Variants in FRMD4A observed in about 807,000 individuals in gnomAD.
FRMD4A encodes the protein FERM domain containing 4A.
FRMD4A carries 29 observed loss-of-function variants against 129.1 expected under a neutral mutation model. That is an observed-to-expected ratio of 0.22 (90% CI 0.17 to 0.31). The LOEUF is 0.31. Among genes scored for constraint, FRMD4A ranks in the 10% least tolerant of loss-of-function variants. FRMD4A has a pLI of 1.00. For synonymous variants in FRMD4A, 634 were observed against 571.6 expected (o/e 1.11, Z -1.56); for missense variants, 1,272 against 1,375.8 (o/e 0.92, Z 1.19).
chr10:13,850,040 G>A (rs1180361935), intron 3 of FRMD4A, among the ~76,000 whole-genome samples: 2 of 151,906 alleles, frequency 1.3e-5, no homozygotes, highest in African/African-American at 4.8e-5. Flanking sequence ...GTGGTGGCAG[G>A]TGCCTGTAAT....
At chr10:14,176,873 G>C (rs187375102) in intron 2 of FRMD4A, among the ~76,000 whole-genome samples, 1 of 152,030 alleles carries the variant, frequency 6.6e-6, no homozygotes, top group African/African-American at 2.4e-5. Flanking sequence ...AATCACTCTT[G>C]TTTACTCAAA....
chr10:14,039,044 A>C (rs531890230), intron 2 of FRMD4A, among the ~76,000 whole-genome samples: 16 of 152,136 alleles, frequency 1.1e-4, no homozygotes, highest in Non-Finnish European at 2.2e-4. Context: ...AACTTGAATA[A>C]ATTAATTAAC....
chr10:13,784,019 G>A (rs985088144), intron 5 of FRMD4A, among the ~76,000 whole-genome samples: 1 of 152,160 alleles, frequency 6.6e-6, no homozygotes, highest in East Asian at 1.9e-4. Context: ...AAGGAAGAGA[G>A]GGGAAAGGTT....
chr10:14,034,719 G>A (rs958301052), intron 2 of FRMD4A, among the ~76,000 whole-genome samples: 5 of 152,132 alleles, frequency 3.3e-5, no homozygotes, highest in East Asian at 1.9e-4. Context: ...AAAGAGAGAC[G>A]GATGTCCAGT....
chr10:13,971,799 T>A, intron 2 of FRMD4A: 1 of 1,304,404 alleles, frequency 7.7e-7, no homozygotes, highest in Non-Finnish European at 1.0e-6. Context: ...CCAGCAGCCA[T>A]GCCAGCCCCA....
chr10:13,679,482 C>T (rs866771428), intron 15 of FRMD4A, among the ~76,000 whole-genome samples: 2,831 of 95,378 alleles, frequency 0.03, 142 homozygotes, highest in African/African-American at 0.059. Context: ...TATACACACA[C>T]ACACACACAC....
chr10:13,666,769 CAT>C (rs2083071755), intron 17 of FRMD4A, among the ~76,000 whole-genome samples: 1 of 152,172 alleles, frequency 6.6e-6, no homozygotes, highest in Non-Finnish European at 1.5e-5. Context: ...AGCTCACACA[CAT>C]GAGCTAATGC....
chr10:13,657,568 C>A, intron 21 of FRMD4A, 46 bp from the exon 22 acceptor site: 55 of 1,426,404 alleles, frequency 3.9e-5, no homozygotes, highest in Admixed American at 3.0e-4. Context: ...GGAGTGGGCC[C>A]AAGGAGGGGT....
chr10:13,735,637 T>G (rs1435190898), intron 12 of FRMD4A, among the ~76,000 whole-genome samples: 1 of 152,192 alleles, frequency 6.6e-6, no homozygotes, highest in Non-Finnish European at 1.5e-5. Flanking sequence ...CAAACAAGTA[T>G]GAATACTTGT....
In FRMD4A at chr10:13,921,521, G is replaced by A. The variant is rs370453478; in HGVS notation, c.46-62609C>T. Among the ~76,000 whole-genome samples the A allele has an allele frequency of 2.5e-3, 373 of 152,234 alleles. 1 individual carries two copies. Among genetic ancestry groups the A allele is most frequent in the African/African-American group, 8.7e-3 (362 of 41,562 alleles). ...AGTGATCCACCTGCCTTGGCCTCCC[G>A]AAGTGTTGGAATTATAGGCATGAGC... is the stretch of plus-strand genomic sequence containing the variant. On this transcript the variant is annotated intron_variant, in intron 2 of 24. Transcript: ENST00000357447.
At chr10:13,855,123 A>G (rs755850674) in intron 3 of FRMD4A, among the ~76,000 whole-genome samples, 4 of 152,218 alleles carry the variant, frequency 2.6e-5, no homozygotes, top group Non-Finnish European at 5.9e-5. Context: ...TCAAAGTGCT[A>G]TATGGAATAA....
chr10:13,667,089 T>A (rs1240337348), intron 17 of FRMD4A, among the ~76,000 whole-genome samples: 2 of 152,072 alleles, frequency 1.3e-5, no homozygotes, highest in Non-Finnish European at 2.9e-5. Context: ...CTTTTGTATT[T>A]TTAGTAGAGA....
At chr10:14,285,124 G>C (rs1276419893) in intron 2 of FRMD4A, among the ~76,000 whole-genome samples, 1 of 152,198 alleles carries the variant, frequency 6.6e-6, no homozygotes, top group Non-Finnish European at 1.5e-5. Context: ...TGTAAGTATT[G>C]CAAAGTCCTT....
At chr10:13,713,948 TACACACACATATATA>T (rs2088375568) in intron 12 of FRMD4A, among the ~76,000 whole-genome samples, 2 of 105,316 alleles carry the variant, frequency 1.9e-5, no homozygotes, top group African/African-American at 6.9e-5. Context: ...ATATATGTAA[TACACACACATATATA>T]ATATATACAT....
chr10:14,199,757 A>G (rs751170089), intron 2 of FRMD4A, among the ~76,000 whole-genome samples: 3 of 144,430 alleles, frequency 2.1e-5, no homozygotes, highest in Non-Finnish European at 4.5e-5. Context: ...ATTTAGTTTT[A>G]ATCTTAATCT....
In FRMD4A at chr10:13,657,658, C is replaced by T. The variant is rs561588845; in HGVS notation, c.2067-136G>A. ...AGGCCCCAGCCCAGCAAGCCAGAGT[C>T]TCACTCAGCAGGGCTGCCCCAGGGA... On this transcript the variant is annotated intron_variant, in intron 21 of 24. Transcript: ENST00000357447. 1.4e-4 allele frequency: 180 copies of T among 1,285,216 alleles called. 3 individuals carry two copies. The African/African-American group carries it at 2.4e-3, about 17-fold the overall frequency. The allele number at this position is 1,285,216 out of a possible 1,614,324, so 79.6% of individuals were successfully genotyped here.
intron 2 of FRMD4A, among the ~76,000 whole-genome samples, chr10:14,190,847 A>AG (rs1198896492): frequency 1.3e-5 from 2 of 152,214 alleles, no homozygotes; most frequent in Non-Finnish European, 2.9e-5. Flanking sequence ...GACTGATGGA[A>AG]GGAAGCAGGA....
At chr10:14,244,167 C>T (rs1844151525) in intron 2 of FRMD4A, among the ~76,000 whole-genome samples, 1 of 152,200 alleles carries the variant, frequency 6.6e-6, no homozygotes, top group South Asian at 2.1e-4. Flanking sequence ...AACACAATCA[C>T]TTTAAGAAAA....
At chr10:14,173,399 A>T (rs1841575120) in intron 2 of FRMD4A, among the ~76,000 whole-genome samples, 1 of 152,210 alleles carries the variant, frequency 6.6e-6, no homozygotes, top group South Asian at 2.1e-4. Context: ...GTTCCCCGTG[A>T]GCATTTCTAA....
Sources: allele counts gnomAD v4.1 joint callset (sites outside exome capture counted in the v4.1 genomes callset), GRCh38; gene constraint gnomAD v4.1.1; transcripts MANE v1.5; gene names NCBI Gene and HGNC (gene_info 2026-07-23, HGNC 2026-07-21).